The following ZNF775 variants were observed in gnomAD, a reference collection of about 807,000 sequenced individuals.
The protein encoded by ZNF775 is zinc finger protein 775.
Under a neutral mutation model 2.4 loss-of-function variants are expected in ZNF775, and 1 was observed. The observed-to-expected ratio is 0.41, with a 90% CI of 0.15 to 1.94. The LOEUF is 1.94. Ranked by LOEUF, ZNF775 falls within the 30% of genes most tolerant of loss-of-function variation. The pLI is 0.30. For synonymous variants in ZNF775, 381 were observed against 373.3 expected (o/e 1.02, Z -0.24); for missense variants, 823 against 826.6 (o/e 1.00, Z 0.05).
chr7:150,387,595 T>C (rs1013786086), intron 1 of ZNF775, among the ~76,000 whole-genome samples: 1 of 151,986 alleles, frequency 6.6e-6, no homozygotes, highest in Non-Finnish European at 1.5e-5. Flanking sequence ...GGGCGGATCA[T>C]GAGGTCAGGA....
In ZNF775 at chr7:150,397,207, G is replaced by C; in HGVS notation, c.726G>C (p.Gly242=). 1 of 1,106,006 alleles carries C rather than the reference G, an allele frequency of 9.0e-7. No individual in the cohort carries two copies. The allele number at this position is 1,106,006 out of a possible 1,614,324, so 68.5% of individuals were successfully genotyped here. A position where few individuals can be genotyped will look rare whatever the true frequency, so the allele number is the denominator to read the frequency against. The change falls in exon 3 of 3, where the codon GGG becomes GGC. Residue 242 remains glycine, a synonymous_variant. Transcript: ENST00000329630. ...GCCGGGCCTGTCGCCTGCAGCCGGG[G>C]CCGCCGCGGGGGCGCCCCGAGTGGG... ...AARRACRLQP[G]PPRGRPEWAW... is the part of the protein sequence containing the mutation.
intron 1 of ZNF775, among the ~76,000 whole-genome samples, chr7:150,387,741 C>T (rs182216026): frequency 3.4e-4 from 51 of 151,654 alleles, no homozygotes; most frequent in Admixed American, 1.1e-3. Flanking sequence ...ACCTGGGAGG[C>T]GGAGCTTGCA....
In ZNF775 at chr7:150,388,636, A is replaced by G. The variant is rs1800500054; in HGVS notation, c.31+135A>G. ...GTACATCCCACTGATGCAGAATTTC[A>G]GGGTGGGGACCAGGACTTAGACAGC... On this transcript the variant is annotated intron_variant, in intron 2 of 2. Transcript: ENST00000329630. 3.9e-6 allele frequency: 4 copies of G among 1,015,636 alleles called. No homozygotes were observed. In the East Asian group the frequency reaches 7.9e-5, roughly 20 times the overall value. 62.9% of individuals were successfully genotyped at this position (1,015,636 alleles called of 1,614,324 possible).
intron 1 of ZNF775, among the ~76,000 whole-genome samples, chr7:150,381,377 C>T (rs12112111): frequency 0.053 from 8,102 of 152,012 alleles, 707 homozygotes; most frequent in African/African-American, 0.19. Context: ...CTGGGAATGT[C>T]GAGGGGAGCA....
chr7:150,397,152 T>C lies in ZNF775; in HGVS notation c.671T>C (p.Leu224Pro). Residue 224 changes from leucine to proline, a missense_variant, in exon 3 of 3, where the codon CTG becomes CCG. Coordinates refer to ENST00000329630, the MANE Select transcript of ZNF775 (RefSeq NM_173680.4). ...GACCGCCAGGGCTCCCGCGCCGGCC[T>C]GCACGAGCTGATTCAGGACGCGGCG... ...ARDRQGSRAG[L>P]HELIQDAAAR... 1 of 1,458,526 alleles carries C rather than the reference T, an allele frequency of 6.9e-7. No individual in the cohort carries two copies. The highest frequency in any genetic ancestry group is 2.7e-5 in the East Asian group (1 of 36,944). The allele number at this position is 1,458,526 out of a possible 1,614,324, so 90.3% of individuals were successfully genotyped here.
At chr7:150,394,069 T>G (rs118127463) in intron 2 of ZNF775, among the ~76,000 whole-genome samples, 31 of 152,334 alleles carry the variant, frequency 2.0e-4, no homozygotes, top group Admixed American at 4.6e-4. Flanking sequence ...TCTGGGCAAT[T>G]TGTATAGATG....
At chr7:150,391,962 C>A (rs943169667) in intron 2 of ZNF775, among the ~76,000 whole-genome samples, 1 of 152,054 alleles carries the variant, frequency 6.6e-6, no homozygotes, top group Admixed American at 6.6e-5. Flanking sequence ...GATCCTCCCG[C>A]CTCGGCCTCC....
rs1051161902 is a variant in ZNF775 at position 150,388,548 on chromosome 7, G to A, written c.31+47G>A. On this transcript the variant is annotated intron_variant, in intron 2 of 2. Transcript: ENST00000329630. ...GCAGGGGAGCGGGGTCTCCTCTGCT[G>A]AGGTCACGTGCCCTTATCTTTTCTA... The A allele has an allele frequency of 5.8e-6, 9 of 1,549,466 alleles. No individual in the cohort carries two copies. The African/African-American group carries it at 6.9e-5, about 12-fold the overall frequency.
intron 2 of ZNF775, among the ~76,000 whole-genome samples, chr7:150,392,545 ATCTC>A (rs56067146): frequency 0.17 from 23,488 of 136,308 alleles, 2,171 homozygotes; most frequent in South Asian, 0.3. Flanking sequence ...TCCCAAATGG[ATCTC>A]TCTCTCTCTC....
At chr7:150,385,395 C>T (rs1800432161) in intron 1 of ZNF775, among the ~76,000 whole-genome samples, 1 of 152,180 alleles carries the variant, frequency 6.6e-6, no homozygotes, top group South Asian at 2.1e-4. Flanking sequence ...GGACAATCCC[C>T]CGAGCAACTG....
chr7:150,391,226 G>A (rs1335372154), intron 2 of ZNF775, among the ~76,000 whole-genome samples: 3 of 152,180 alleles, frequency 2.0e-5, no homozygotes, highest in Admixed American at 6.5e-5. Flanking sequence ...ACTTAAGTAC[G>A]GCCAGGCGCG....
chr7:150,392,545 ATCTCTCTCTCTCTCTCTCTCTCTCTC>A (rs56067146), intron 2 of ZNF775, among the ~76,000 whole-genome samples: 1 of 136,582 alleles, frequency 7.3e-6, no homozygotes. Context: ...TCCCAAATGG[ATCTCTCTCTCTCTCTCTCTCTCTCTC>A]TCTCTCTCTC....
chr7:150,381,243 C>A (rs994265698), intron 1 of ZNF775, among the ~76,000 whole-genome samples: 6 of 151,938 alleles, frequency 3.9e-5, no homozygotes, highest in Non-Finnish European at 7.4e-5. Context: ...TACCTCTGGC[C>A]GGTGAAGGAA....
chr7:150,380,280 TTTTA>T (rs1800338700), intron 1 of ZNF775: 1 of 152,250 alleles, frequency 6.6e-6, no homozygotes, highest in Non-Finnish European at 1.5e-5. Context: ...CTGAAATTTC[TTTTA>T]TTTAAGTGTT....
chr7:150,385,593 A>G (rs1351816219), intron 1 of ZNF775, among the ~76,000 whole-genome samples: 1 of 152,180 alleles, frequency 6.6e-6, no homozygotes, highest in Admixed American at 6.5e-5. Context: ...CTCAGCCTGC[A>G]TGTAGCCGGC....
At chr7:150,392,899 A>T (rs1472311830) in intron 2 of ZNF775, among the ~76,000 whole-genome samples, 1 of 152,130 alleles carries the variant, frequency 6.6e-6, no homozygotes, top group Non-Finnish European at 1.5e-5. Context: ...GAGTTCCCCT[A>T]TACCTTAGCT....
At chr7:150,381,725 C>T (rs1311146798) in intron 1 of ZNF775, among the ~76,000 whole-genome samples, 1 of 152,162 alleles carries the variant, frequency 6.6e-6, no homozygotes, top group East Asian at 1.9e-4. Flanking sequence ...GGCCTCTCAG[C>T]GGCTTTTTCC....
rs1480690946 is a variant in ZNF775 at position 150,397,610 on chromosome 7, A to G, written c.1129A>G (p.Ser377Gly). 3.5e-6 allele frequency: 5 copies of G among 1,427,046 alleles called. No individual in the cohort carries two copies. Among genetic ancestry groups the G allele is most frequent in the Non-Finnish European group, 4.6e-6 (5 of 1,098,258 alleles). 88.4% of individuals were successfully genotyped at this position (1,427,046 alleles called of 1,614,324 possible). Residue 377 changes from serine (S) to glycine (G), a missense_variant, in exon 3 of 3, where the codon AGC becomes GGC. By Grantham distance (56) the Ser-to-Gly change is moderately conservative. Transcript: ENST00000329630. ...PCPSCGKSCR[S>G]RAALRAHQRA... The stretch of plus-strand genomic sequence containing the variant: ...CCCCAGCTGCGGTAAGAGCTGCCGC[A>G]GCCGCGCCGCGCTGCGCGCCCACCA...
intron 2 of ZNF775, 39 bp downstream of exon 2, chr7:150,388,540 CCT>C (rs1426052306): frequency 2.6e-6 from 4 of 1,551,496 alleles, no homozygotes; most frequent in Non-Finnish European, 3.5e-6. Context: ...AGCGGGGTCT[CCT>C]CTGCTGAGGT....
Sources: allele counts gnomAD v4.1 joint callset (sites outside exome capture counted in the v4.1 genomes callset), GRCh38; gene constraint gnomAD v4.1.1; transcripts MANE v1.5; gene names NCBI Gene and HGNC (gene_info 2026-07-23, HGNC 2026-07-21).